The following SLC25A20 variants were observed in gnomAD, a reference collection of about 807,000 sequenced individuals.
SLC25A20 encodes the protein solute carrier family 25 member 20.
Under a neutral mutation model 39.7 loss-of-function variants are expected in SLC25A20, and 29 were observed. The ratio of observed to expected loss-of-function variants is 0.73; its 90% CI spans 0.54 to 1.00. The LOEUF (loss-of-function observed/expected upper bound fraction) is 1.00, where lower values mean the gene tolerates loss of function less well. SLC25A20 is among the 50% of genes least tolerant of loss of function. SLC25A20 has a pLI of 0.00. For synonymous variants in SLC25A20, 103 were observed against 142.2 expected (o/e 0.72, Z 1.96); for missense variants, 333 against 379.9 (o/e 0.88, Z 1.03).
intron 2 of SLC25A20, among the ~76,000 whole-genome samples, chr3:48,891,344 G>T (rs577914340): frequency 6.6e-6 from 1 of 152,212 alleles, no homozygotes; most frequent in South Asian, 2.1e-4. Flanking sequence ...CAAAGTGCTG[G>T]GATTATAGGC....
intron 3 of SLC25A20, 37 bp downstream of exon 3, chr3:48,883,960 G>C: frequency 6.2e-7 from 1 of 1,610,346 alleles, no homozygotes; most frequent in South Asian, 1.1e-5. Context: ...ACGCTACCAG[G>C]CAGAACAGCA....
At chr3:48,890,264 G>A (rs1163546386) in intron 2 of SLC25A20, among the ~76,000 whole-genome samples, 1 of 152,128 alleles carries the variant, frequency 6.6e-6, no homozygotes, top group Non-Finnish European at 1.5e-5. Context: ...TCGGCTCACT[G>A]CAAGCTCCGC....
intron 2 of SLC25A20, among the ~76,000 whole-genome samples, chr3:48,884,763 AG>A (rs2083818598): frequency 6.6e-6 from 1 of 152,136 alleles, no homozygotes; most frequent in African/African-American, 2.4e-5. Flanking sequence ...GAATAACCTC[AG>A]GCACTTATAA....
chr3:48,884,645 C>G (rs1268252691), intron 2 of SLC25A20, among the ~76,000 whole-genome samples: 3 of 152,036 alleles, frequency 2.0e-5, no homozygotes, highest in Non-Finnish European at 4.4e-5. Flanking sequence ...CCACTGCACC[C>G]GGCCAGCAAT....
Position 48,898,741 on chromosome 3 carries a change from G to C in SLC25A20, c.54C>G (p.Gly18=), listed in dbSNP as rs769978583. Residue 18 remains glycine (G), a synonymous_variant, in exon 1 of 9, where the codon GGC becomes GGG. Coordinates refer to ENST00000319017, the MANE Select transcript of SLC25A20 (RefSeq NM_000387.6). ...ISPLKNLLAG[G]FGGVCLVFVG... ...CGAACACCAGGCACACGCCGCCAAA[G>C]CCGCCGGCCAGCAGGTTCTTGAGCG... 3.7e-6 allele frequency: 6 copies of C among 1,608,846 alleles called. No homozygotes were observed. In the Admixed American group the frequency reaches 6.7e-5, roughly 18 times the overall value.
intron 8 of SLC25A20, 134 bp from the exon 9 acceptor site, chr3:48,857,906 G>T (rs2083592439): frequency 1.4e-6 from 1 of 712,924 alleles, no homozygotes; most frequent in Non-Finnish European, 2.5e-6. Flanking sequence ...CATCAAGGAT[G>T]CAAGCTCTAC....
intron 5 of SLC25A20, 128 bp from the exon 6 acceptor site, chr3:48,859,755 G>A (rs1045357550): frequency 1.1e-4 from 86 of 751,150 alleles, no homozygotes; most frequent in Non-Finnish European, 1.7e-4. Context: ...GGAGGTCCGC[G>A]CTTGGCCTGA....
intron 4 of SLC25A20, among the ~76,000 whole-genome samples, chr3:48,873,885 C>T (rs1435006360): frequency 7.2e-6 from 1 of 139,412 alleles, no homozygotes. Flanking sequence ...AGGAGAATGG[C>T]GTGAACCCGG....
chr3:48,866,869 C>G (rs182720350), intron 4 of SLC25A20, among the ~76,000 whole-genome samples: 2 of 152,218 alleles, frequency 1.3e-5, no homozygotes, highest in East Asian at 3.9e-4. Flanking sequence ...TCTCGACTCA[C>G]GGCAACCTCT....
At chr3:48,858,772 G>T in intron 7 of SLC25A20, 141 bp from the exon 8 acceptor site, 1 of 1,004,548 alleles carries the variant, frequency 1.0e-6, no homozygotes, top group Non-Finnish European at 1.5e-6. Context: ...TTCACCTTGG[G>T]ACAAATGCAC....
intron 8 of SLC25A20, 39 bp from the exon 9 acceptor site, chr3:48,857,811 A>G (rs192977054): frequency 3.8e-4 from 595 of 1,576,190 alleles, no homozygotes; most frequent in Non-Finnish European, 4.7e-4. Context: ...GCCAGCAGGA[A>G]TAACTATTCA....
At chr3:48,860,223 C>CCCGG (rs1487636286) in intron 5 of SLC25A20, among the ~76,000 whole-genome samples, 1 of 151,462 alleles carries the variant, frequency 6.6e-6, no homozygotes, top group East Asian at 1.9e-4. Context: ...ATGGCTTGAA[C>CCCGG]CCGGGAGGTG....
rs546460432 is a variant in SLC25A20 at position 48,889,668 on chromosome 3, G to A, written c.198+2312C>T. 2.1e-4 allele frequency among the ~76,000 whole-genome samples: 32 copies of A among 152,156 alleles called. 1 individual carries two copies. The highest frequency in any genetic ancestry group is 7.0e-4 in the African/African-American group (29 of 41,532). On this transcript the variant is annotated intron_variant, in intron 2 of 8. Transcript: ENST00000319017. ...GCAGTCTCAGCTCACTGCAGTGTGG[G>A]CAAAGGATTACCTAGGTGCCGAGGC... is the stretch of plus-strand genomic sequence containing the variant.
At chr3:48,877,301 C>A (rs530117646) in intron 4 of SLC25A20, among the ~76,000 whole-genome samples, 1 of 151,922 alleles carries the variant, frequency 6.6e-6, no homozygotes, top group African/African-American at 2.4e-5. Flanking sequence ...GTAATCCCAG[C>A]GATTCAGGAG....
intron 6 of SLC25A20, 73 bp from the exon 7 acceptor site, chr3:48,859,274 C>A (rs529006434): frequency 7.9e-5 from 108 of 1,369,494 alleles, no homozygotes; most frequent in Middle Eastern, 1.8e-4. Context: ...CTGCCTGTGG[C>A]AGACAGGGCA....
rs1483311194 is a variant in SLC25A20, at chr3:48,857,031, C to A, written c.*679G>T. On this transcript the variant is annotated 3_prime_UTR_variant, in exon 9 of 9. Transcript: ENST00000319017. ...TACACCCTGGGCTTTCTCACTTATC[C>A]CAGCAGACTGGGACTGTCCTCACTG... 6.6e-6 allele frequency: 1 copy of A among 152,536 alleles called. No homozygotes were observed. Among genetic ancestry groups the A allele is most frequent in the Non-Finnish European group, 1.5e-5 (1 of 68,354 alleles). 9.4% of individuals were successfully genotyped at this position (152,536 alleles called of 1,614,324 possible). A position where few individuals can be genotyped will look rare whatever the true frequency, so the allele number is the denominator to read the frequency against.
rs2106637384 is a variant in SLC25A20, at chr3:48,857,607, T to A, written c.*103A>T. The A allele has an allele frequency of 1.9e-6, 2 of 1,047,874 alleles. No homozygotes were observed. Among genetic ancestry groups the A allele is most frequent in the Middle Eastern group, 2.8e-4 (1 of 3,544 alleles). The allele number at this position is 1,047,874 out of a possible 1,614,324, so 64.9% of individuals were successfully genotyped here. On this transcript the variant is annotated 3_prime_UTR_variant, in exon 9 of 9. Coordinates refer to ENST00000319017, the MANE Select transcript of SLC25A20 (RefSeq NM_000387.6). ...CATGCACAGGGCTCGGATCTCACCA[T>A]TCCCCTCCCCTTGCCCTCCAAGACT... is the stretch of plus-strand genomic sequence containing the variant.
Position 48,892,050 on chromosome 3 carries a change from G to A in SLC25A20, c.128C>T (p.Pro43Leu), listed in dbSNP as rs758258325. ...TVKVRLQTQP[P>L]SLPGQPPMYS... ...CATGGGAGGTTGTCCAGGCAAACTC[G>A]GTGGCTGTGTCTGCAGTCGGACCTG... Residue 43 changes from proline to leucine, a missense_variant, in exon 2 of 9, where the codon CCG becomes CTG. Coordinates refer to ENST00000319017, the MANE Select transcript of SLC25A20 (RefSeq NM_000387.6). The A allele has an allele frequency of 6.2e-6, 10 of 1,614,020 alleles. No homozygotes were observed. Among genetic ancestry groups the A allele is most frequent in the Admixed American group, 3.3e-5 (2 of 59,996 alleles).
Position 48,891,994 on chromosome 3 carries a change from T to C in SLC25A20, c.184A>G (p.Thr62Ala), listed in dbSNP as rs2106665823. 1.2e-6 allele frequency: 2 copies of C among 1,613,184 alleles called. No homozygotes were observed. The highest frequency in any genetic ancestry group is 1.7e-6 in the Non-Finnish European group (2 of 1,179,622). ...YSGTFDCFRK[T>A]LFREGITGLY... The stretch of plus-strand genomic sequence containing the variant: ...CATATACCAACCTCTCTAAAAAGAG[T>C]CTTCCGGAAACAGTCAAAGGTCCCA... The change falls in exon 2 of 9, where the codon ACT (threonine) becomes GCT (alanine). Residue 62 changes from threonine (T) to alanine (A), a missense_variant. By Grantham distance (58) the Thr-to-Ala change is moderately conservative (BLOSUM62 0). Coordinates refer to ENST00000319017, the MANE Select transcript of SLC25A20 (RefSeq NM_000387.6).
Sources: gnomAD v4.1 joint callset for allele counts (sites outside exome capture counted in the v4.1 genomes callset) on GRCh38, gnomAD v4.1.1 for gene constraint, MANE v1.5 for transcripts, NCBI Gene and HGNC (gene_info 2026-07-23, HGNC 2026-07-21) for gene names.